The following AGMO variants were observed in gnomAD, a reference collection of about 807,000 sequenced individuals.
AGMO encodes alkylglycerol monooxygenase.
In AGMO, 75 loss-of-function variants were observed where a neutral mutation model predicts 60.2. That is an observed-to-expected ratio of 1.25 (90% CI 1.03 to 1.51). The LOEUF is 1.51. Ranked by LOEUF, AGMO falls within the 40% of genes most tolerant of loss-of-function variation. The probability of loss-of-function intolerance (pLI) is 0.00; values close to 1 mark genes in which losing one functional copy is unlikely to be tolerated. For missense variants in AGMO, 763 were observed against 525.5 expected, an observed-to-expected ratio of 1.45 and a Z score of -4.42; for synonymous variants, 261 against 177.1, an observed-to-expected ratio of 1.47 and a Z score of -3.76.
intron 12 of AGMO, among the ~76,000 whole-genome samples, chr7:15,202,489 A>AAAAAAAAAAC (rs1277846759): frequency 4.5e-5 from 6 of 132,052 alleles, no homozygotes; most frequent in Admixed American, 7.4e-5. Flanking sequence ...AAAAAAAAAA[A>AAAAAAAAAAC]CCCTCCCAAA....
chr7:15,118,711 A>T, the AGMO span, among the ~76,000 whole-genome samples: 4 of 152,012 alleles, frequency 2.6e-5, no homozygotes, highest in Non-Finnish European at 5.9e-5. Context: ...AGCTCAGCTC[A>T]ATATGACTAG....
intron 12 of AGMO, among the ~76,000 whole-genome samples, chr7:15,323,349 A>G (rs1781240649): frequency 6.6e-6 from 1 of 152,176 alleles, no homozygotes; most frequent in African/African-American, 2.4e-5. Context: ...ACATTGATAT[A>G]AAAGAATTGG....
At chr7:15,158,873 T>G in the AGMO span, among the ~76,000 whole-genome samples, 4 of 152,182 alleles carry the variant, frequency 2.6e-5, no homozygotes, top group Non-Finnish European at 5.9e-5. Flanking sequence ...AAATCAAGGC[T>G]GCAAGTAAAT....
chr7:15,253,860 T>G (rs1185430009), intron 12 of AGMO, among the ~76,000 whole-genome samples: 1 of 152,164 alleles, frequency 6.6e-6, no homozygotes, highest in Non-Finnish European at 1.5e-5. Context: ...CTCTCGTCTA[T>G]TCTCCCAATT....
chr7:15,556,863 A>T (rs576844470), intron 2 of AGMO, among the ~76,000 whole-genome samples: 4 of 152,168 alleles, frequency 2.6e-5, no homozygotes, highest in Non-Finnish European at 5.9e-5. Flanking sequence ...TATAAGTAGG[A>T]CTAGTATCTG....
At chr7:15,138,313 A>C in the AGMO span, among the ~76,000 whole-genome samples, 6 of 152,318 alleles carry the variant, frequency 3.9e-5, no homozygotes, top group East Asian at 9.7e-4. Context: ...GGCGAGGTAC[A>C]TTTTGTATAC....
intron 3 of AGMO, among the ~76,000 whole-genome samples, chr7:15,481,894 T>A (rs781629688): frequency 7.0e-6 from 1 of 142,252 alleles, no homozygotes; most frequent in Non-Finnish European, 1.5e-5. Flanking sequence ...CAGGAATCAA[T>A]AAGAAAAATC....
At chr7:15,457,679 T>C (rs571931735) in intron 3 of AGMO, among the ~76,000 whole-genome samples, 87 of 152,192 alleles carry the variant, frequency 5.7e-4, no homozygotes, top group Non-Finnish European at 1.0e-3. Flanking sequence ...AAAATACATA[T>C]ATTCTTTTTT....
In AGMO at chr7:15,501,248, T is replaced by G. The variant is rs191587257; in HGVS notation, c.409+43524A>C. On this transcript the variant is annotated intron_variant, in intron 3 of 12. Coordinates refer to ENST00000342526, the MANE Select transcript of AGMO (RefSeq NM_001004320.2). Reference sequence around the variant, plus strand: ...GACCTGAATATATTTGTTAATAATCTGCCTTCATTATCTGTCTAATGCTGT... The same window carrying G: ...GACCTGAATATATTTGTTAATAATCGGCCTTCATTATCTGTCTAATGCTGT... Among the ~76,000 whole-genome samples the G allele has an allele frequency of 4.3e-4, 65 of 152,076 alleles. No homozygotes were observed. In the East Asian group the frequency reaches 0.012, roughly 27 times the overall value.
At chr7:15,494,460 G>A (rs1218883004) in intron 3 of AGMO, among the ~76,000 whole-genome samples, 7 of 152,258 alleles carry the variant, frequency 4.6e-5, no homozygotes, top group East Asian at 3.9e-4. Context: ...ATAAATACAT[G>A]AAATGATGTT....
intron 3 of AGMO, among the ~76,000 whole-genome samples, chr7:15,537,460 G>A (rs1283604093): frequency 6.6e-6 from 1 of 152,122 alleles, no homozygotes; most frequent in Non-Finnish European, 1.5e-5. Flanking sequence ...TCATAAGTAA[G>A]TTAAAGTTTA....
chr7:15,380,505 C>A (rs79758092), intron 10 of AGMO, among the ~76,000 whole-genome samples: 1 of 151,896 alleles, frequency 6.6e-6, no homozygotes, highest in African/African-American at 2.4e-5. Flanking sequence ...TCAAAGAAAT[C>A]GGATATTGAC....
intron 12 of AGMO, among the ~76,000 whole-genome samples, chr7:15,265,743 A>C (rs1245003852): frequency 6.6e-6 from 1 of 152,116 alleles, no homozygotes; most frequent in East Asian, 1.9e-4. Context: ...TGGTTCCTCT[A>C]AAACAATTAC....
chr7:15,410,074 A>G (rs1291858641), intron 5 of AGMO, among the ~76,000 whole-genome samples: 2 of 151,782 alleles, frequency 1.3e-5, no homozygotes, highest in East Asian at 1.9e-4. Context: ...CTCAGTAACT[A>G]TAAGTAACTG....
At chr7:15,508,855 C>A (rs145891284) in intron 3 of AGMO, among the ~76,000 whole-genome samples, 59 of 152,030 alleles carry the variant, frequency 3.9e-4, no homozygotes, top group African/African-American at 1.4e-3. Flanking sequence ...TAAAAATATA[C>A]CATAATACAT....
intron 12 of AGMO, among the ~76,000 whole-genome samples, chr7:15,360,853 C>T (rs922161459): frequency 1.3e-5 from 2 of 152,126 alleles, no homozygotes; most frequent in African/African-American, 4.8e-5. Context: ...AGTACGTACG[C>T]ATGCCCTCAT....
chr7:15,432,176 A>G (rs1232083089), intron 3 of AGMO, among the ~76,000 whole-genome samples: 1 of 151,538 alleles, frequency 6.6e-6, no homozygotes, highest in Non-Finnish European at 1.5e-5. Flanking sequence ...GCTTGGATGT[A>G]TAGGAACTAA....
At chr7:15,342,481 C>T (rs771370574) in intron 12 of AGMO, among the ~76,000 whole-genome samples, 2 of 151,992 alleles carry the variant, frequency 1.3e-5, no homozygotes, top group African/African-American at 4.8e-5. Flanking sequence ...TCCCAACCAT[C>T]CCTTTTCCCT....
intron 12 of AGMO, among the ~76,000 whole-genome samples, chr7:15,280,033 A>G (rs1314706700): frequency 1.3e-5 from 2 of 152,170 alleles, no homozygotes; most frequent in East Asian, 3.9e-4. Flanking sequence ...AATTAGTGAT[A>G]TAATCTCAAT....
Sources: gnomAD v4.1 joint callset for allele counts (sites outside exome capture counted in the v4.1 genomes callset) on GRCh38, gnomAD v4.1.1 for gene constraint, MANE v1.5 for transcripts, NCBI Gene and HGNC (gene_info 2026-07-23, HGNC 2026-07-21) for gene names.